KCNH5: variants seen among roughly 807,000 people sequenced by gnomAD.
The protein encoded by KCNH5 is voltage-gated delayed rectifier potassium channel KCNH5.
In KCNH5, 46 loss-of-function variants were observed where a neutral mutation model predicts 96.1. The observed-to-expected ratio is 0.48, with a 90% CI of 0.38 to 0.61. The LOEUF is 0.61. Ranked by LOEUF, KCNH5 falls within the 20% of genes least tolerant of loss-of-function variation. The pLI, the probability that KCNH5 is intolerant of heterozygous loss-of-function variation, is 0.00. For synonymous variants in KCNH5, 439 were observed against 449.8 expected (o/e 0.98, Z 0.30); for missense variants, 907 against 1,225.8 (o/e 0.74, Z 3.88).
At chr14:62,790,977 T>C (rs1197465016) in intron 9 of KCNH5, among the ~76,000 whole-genome samples, 1 of 151,828 alleles carries the variant, frequency 6.6e-6, no homozygotes, top group African/African-American at 2.4e-5. Context: ...ATTTTTCTTG[T>C]CTGATTGCCT....
At chr14:63,008,592 T>C (rs1891169975) in intron 2 of KCNH5, among the ~76,000 whole-genome samples, 1 of 152,008 alleles carries the variant, frequency 6.6e-6, no homozygotes, top group South Asian at 2.1e-4. Context: ...ATCCTTCATT[T>C]TTAATATATT....
chr14:62,757,175 C>A (rs775921917), intron 10 of KCNH5, among the ~76,000 whole-genome samples: 12 of 152,082 alleles, frequency 7.9e-5, no homozygotes, highest in East Asian at 1.9e-4. Context: ...ACACAAATGG[C>A]AAATAGGTGT....
intron 9 of KCNH5, among the ~76,000 whole-genome samples, chr14:62,791,701 G>A (rs184707433): frequency 1.5e-4 from 23 of 151,722 alleles, no homozygotes; most frequent in Non-Finnish European, 1.5e-5. Context: ...TAATGTTAAA[G>A]GCATCAATTT....
Position 62,703,332 on chromosome 14 carries a change from A to C in KCNH5, c.*4176T>G, listed in dbSNP as rs993578177. ...CCGTCAATCCCTGAAATCTCTTCTA[A>C]AATCTAGAAGAATATTTTGATAGAG... On this transcript the variant is annotated 3_prime_UTR_variant, in exon 11 of 11. Transcript: ENST00000322893. 3 of 151,886 alleles carry C rather than the reference A, an allele frequency of 2.0e-5. No individual in the cohort carries two copies. The highest frequency in any genetic ancestry group is 7.2e-5 in the African/African-American group (3 of 41,426). 9.4% of individuals were successfully genotyped at this position (151,886 alleles called of 1,614,324 possible).
intron 3 of KCNH5, among the ~76,000 whole-genome samples, chr14:63,004,611 G>A (rs1290978328): frequency 6.6e-6 from 1 of 152,202 alleles, no homozygotes. Flanking sequence ...ATATTTTGTT[G>A]TGGTGGTTGT....
At chr14:63,039,521 G>A (rs928439259) in intron 1 of KCNH5, among the ~76,000 whole-genome samples, 16 of 152,064 alleles carry the variant, frequency 1.1e-4, no homozygotes, top group African/African-American at 3.4e-4. Flanking sequence ...GAAAAAATCT[G>A]TTGAAGTGGC....
chr14:62,818,574 T>A (rs1389937819), intron 8 of KCNH5, among the ~76,000 whole-genome samples: 1 of 152,096 alleles, frequency 6.6e-6, no homozygotes, highest in Non-Finnish European at 1.5e-5. Flanking sequence ...AGTAGAAATG[T>A]CAAATAGCAT....
intron 7 of KCNH5, among the ~76,000 whole-genome samples, chr14:62,948,504 T>G (rs1336414979): frequency 9.9e-5 from 15 of 152,180 alleles, no homozygotes; most frequent in South Asian, 4.2e-4. Context: ...AGCTGAAATT[T>G]TGGCAATAAT....
intron 7 of KCNH5, among the ~76,000 whole-genome samples, chr14:62,927,621 T>C (rs1369012886): frequency 2.6e-5 from 4 of 152,054 alleles, no homozygotes; most frequent in Admixed American, 2.6e-4. Flanking sequence ...CTAAGTGAAA[T>C]AATTCAGTCA....
intron 2 of KCNH5, among the ~76,000 whole-genome samples, chr14:63,008,896 A>T (rs979428175): frequency 2.0e-5 from 3 of 152,140 alleles, no homozygotes; most frequent in African/African-American, 7.2e-5. Flanking sequence ...AATATTGTAC[A>T]TAATATTTTT....
intron 6 of KCNH5, 94 bp downstream of exon 6, chr14:62,980,778 A>G: frequency 2.2e-6 from 3 of 1,338,868 alleles, no homozygotes; most frequent in Non-Finnish European, 2.0e-6. Flanking sequence ...GTGGTGGCTA[A>G]AAAGAGGTTT....
chr14:62,883,426 C>T (rs1595669279), intron 7 of KCNH5, among the ~76,000 whole-genome samples: 1 of 152,202 alleles, frequency 6.6e-6, no homozygotes, highest in African/African-American at 2.4e-5. Flanking sequence ...GACTTCTAGG[C>T]TCAGGACAAG....
At chr14:62,779,185 G>T (rs1427223708) in intron 10 of KCNH5, among the ~76,000 whole-genome samples, 1 of 152,178 alleles carries the variant, frequency 6.6e-6, no homozygotes, top group East Asian at 1.9e-4. Context: ...GGCAGTGAAG[G>T]TTAAATGTGC....
At chr14:62,944,863 G>A (rs1889856469) in intron 7 of KCNH5, among the ~76,000 whole-genome samples, 1 of 151,936 alleles carries the variant, frequency 6.6e-6, no homozygotes, top group African/African-American at 2.4e-5. Flanking sequence ...AAGCATAAAA[G>A]GAAAACCTAA....
intron 7 of KCNH5, among the ~76,000 whole-genome samples, chr14:62,892,718 A>C (rs1285683772): frequency 1.3e-5 from 2 of 152,162 alleles, no homozygotes; most frequent in Non-Finnish European, 2.9e-5. Context: ...CAATTGCAAA[A>C]ACCCAAAGGT....
intron 10 of KCNH5, among the ~76,000 whole-genome samples, chr14:62,741,339 TC>T (rs1296432720): frequency 6.6e-6 from 1 of 152,156 alleles, no homozygotes; most frequent in Non-Finnish European, 1.5e-5. Flanking sequence ...AAGGGAAATC[TC>T]GTGATATTGC....
intron 7 of KCNH5, among the ~76,000 whole-genome samples, chr14:62,858,944 A>T (rs566052738): frequency 1.3e-5 from 2 of 152,320 alleles, no homozygotes; most frequent in African/African-American, 4.8e-5. Context: ...TGGTAAGACC[A>T]GTGAATTCCA....
chr14:62,845,631 T>C (rs1887676112), intron 8 of KCNH5, among the ~76,000 whole-genome samples: 1 of 152,124 alleles, frequency 6.6e-6, no homozygotes, highest in South Asian at 2.1e-4. Context: ...AGAAGGTGAA[T>C]GAAGGTGGTG....
chr14:62,843,647 T>A (rs1887631841), intron 8 of KCNH5, among the ~76,000 whole-genome samples: 1 of 151,976 alleles, frequency 6.6e-6, no homozygotes, highest in South Asian at 2.1e-4. Flanking sequence ...CCTCACCTCG[T>A]GATCCGCCTG....
Sources: gnomAD v4.1 joint callset for allele counts (sites outside exome capture counted in the v4.1 genomes callset) on GRCh38, gnomAD v4.1.1 for gene constraint, MANE v1.5 for transcripts, NCBI Gene and HGNC (gene_info 2026-07-23, HGNC 2026-07-21) for gene names.